CCSER1: variants seen among roughly 807,000 people sequenced by gnomAD.
CCSER1 encodes coiled-coil serine rich protein 1.
CCSER1 carries 41 observed loss-of-function variants against 82.0 expected under a neutral mutation model. The observed-to-expected ratio is 0.50, with a 90% CI of 0.39 to 0.65. The LOEUF is 0.65. CCSER1 is among the 30% of genes least tolerant of loss of function. The pLI is 0.00. For synonymous variants in CCSER1, 414 were observed against 383.9 expected, an observed-to-expected ratio of 1.08 and a Z score of -0.92; for missense variants, 1,119 against 1,064.2, an observed-to-expected ratio of 1.05 and a Z score of -0.72.
chr4:91,283,362 A>C lies in CCSER1; in HGVS notation c.2217+197368A>C, dbSNP rs143844086. ...TTAGGGCCATTTTATTGAAGTCTTCATCTTTCCTTTCTATAGTATTTGAGG... is the reference window on the plus strand; with the variant it reads ...TTAGGGCCATTTTATTGAAGTCTTCCTCTTTCCTTTCTATAGTATTTGAGG... On this transcript the variant is annotated intron_variant, in intron 10 of 10. Coordinates refer to ENST00000509176, the MANE Select transcript of CCSER1 (RefSeq NM_001145065.2). Among the ~76,000 whole-genome samples, 751 of 152,062 alleles carry C rather than the reference A, an allele frequency of 4.9e-3. 2 individuals are homozygous for C. The highest frequency in any genetic ancestry group is 0.017 in the African/African-American group (706 of 41,508).
At chr4:90,314,716 T>G (rs1427169519) in intron 3 of CCSER1, among the ~76,000 whole-genome samples, 1 of 151,716 alleles carries the variant, frequency 6.6e-6, no homozygotes, top group African/African-American at 2.4e-5. Flanking sequence ...ACCACTGCAC[T>G]TCGGCCTGGG....
intron 10 of CCSER1, among the ~76,000 whole-genome samples, chr4:91,229,070 C>T (rs1272334744): frequency 6.6e-6 from 1 of 152,098 alleles, no homozygotes; most frequent in African/African-American, 2.4e-5. Flanking sequence ...ATTGAATCAT[C>T]ATTTGTGTGG....
chr4:91,422,279 C>G (rs961623480), intron 10 of CCSER1, among the ~76,000 whole-genome samples: 1 of 152,116 alleles, frequency 6.6e-6, no homozygotes, highest in Non-Finnish European at 1.5e-5. Context: ...TTGCTCCTCC[C>G]TTTGCCTTTA....
chr4:91,030,905 G>T (rs1740927874), intron 9 of CCSER1, among the ~76,000 whole-genome samples: 1 of 151,966 alleles, frequency 6.6e-6, no homozygotes, highest in Non-Finnish European at 1.5e-5. Flanking sequence ...ACCTCTTTTG[G>T]TATCTGGTTA....
intron 6 of CCSER1, among the ~76,000 whole-genome samples, chr4:90,645,869 C>G (rs907499298): frequency 6.6e-6 from 1 of 152,144 alleles, no homozygotes; most frequent in African/African-American, 2.4e-5. Flanking sequence ...AATATCCTTG[C>G]TAGGGCTGTG....
chr4:90,241,154 T>C (rs1746765921), intron 1 of CCSER1, among the ~76,000 whole-genome samples: 1 of 152,204 alleles, frequency 6.6e-6, no homozygotes, highest in Non-Finnish European at 1.5e-5. Flanking sequence ...CATAGATCAA[T>C]TTGTTACTAG....
intron 10 of CCSER1, among the ~76,000 whole-genome samples, chr4:91,174,783 C>T (rs1733132734): frequency 6.6e-6 from 1 of 151,040 alleles, no homozygotes; most frequent in Non-Finnish European, 1.5e-5. Context: ...TTATTAAGCT[C>T]CTCCTAGGCC....
intron 10 of CCSER1, among the ~76,000 whole-genome samples, chr4:91,164,974 C>T (rs1218706073): frequency 1.3e-5 from 2 of 152,216 alleles, no homozygotes; most frequent in Non-Finnish European, 2.9e-5. Flanking sequence ...TTTTCCATTG[C>T]TGGCGAGGAG....
chr4:90,489,915 C>T (rs1767709294), intron 5 of CCSER1, among the ~76,000 whole-genome samples: 1 of 152,124 alleles, frequency 6.6e-6, no homozygotes, highest in Non-Finnish European at 1.5e-5. Context: ...TTAATCCAGT[C>T]TATCATTGTT....
intron 6 of CCSER1, among the ~76,000 whole-genome samples, chr4:90,645,965 A>C (rs1727502807): frequency 6.6e-6 from 1 of 152,238 alleles, no homozygotes; most frequent in Admixed American, 6.5e-5. Flanking sequence ...TTACTTGGTT[A>C]ACATCCAAGA....
intron 10 of CCSER1, among the ~76,000 whole-genome samples, chr4:91,466,462 C>T (rs1429041163): frequency 2.6e-5 from 4 of 152,266 alleles, no homozygotes; most frequent in East Asian, 1.9e-4. Flanking sequence ...GATGCCCTCT[C>T]TCACCACTCC....
chr4:91,210,647 C>T (rs1405548046), intron 10 of CCSER1, among the ~76,000 whole-genome samples: 2 of 151,294 alleles, frequency 1.3e-5, no homozygotes, highest in African/African-American at 2.4e-5. Context: ...TCAAAATCTT[C>T]AAAAATGTTA....
At position 90,600,768 on chromosome 4, in the gene CCSER1, T is replaced by A. The variant is rs541330956; in HGVS notation, c.1725-27257T>A. 2.6e-5 allele frequency among the ~76,000 whole-genome samples: 4 copies of A among 152,100 alleles called. No homozygotes were observed. In the South Asian group the frequency reaches 8.3e-4, roughly 32 times the overall value. ...TGTCTCTCAAAAATCCTGCTAGGAT[T>A]TTGATTGAAATACATGTAATTATAG... On this transcript the variant is annotated intron_variant, in intron 5 of 10. Transcript: ENST00000509176.
chr4:90,900,499 CTA>C (rs1462335650), intron 8 of CCSER1, among the ~76,000 whole-genome samples: 2 of 151,986 alleles, frequency 1.3e-5, no homozygotes, highest in Non-Finnish European at 2.9e-5. Context: ...TGTTGTGTCT[CTA>C]TTTTCATTTG....
chr4:90,802,729 A>C (rs1756995841), intron 7 of CCSER1, among the ~76,000 whole-genome samples: 1 of 152,154 alleles, frequency 6.6e-6, no homozygotes, highest in Non-Finnish European at 1.5e-5. Flanking sequence ...GATTTATTTC[A>C]CTAGCTACCC....
intron 5 of CCSER1, among the ~76,000 whole-genome samples, chr4:90,545,581 AT>A (rs1249099948): frequency 6.6e-6 from 1 of 151,994 alleles, no homozygotes; most frequent in Non-Finnish European, 1.5e-5. Flanking sequence ...ATTACTCCTC[AT>A]TCCTATTAAT....
chr4:91,547,153 C>T (rs895802433), intron 10 of CCSER1, among the ~76,000 whole-genome samples: 31 of 151,750 alleles, frequency 2.0e-4, no homozygotes, highest in Non-Finnish European at 2.9e-4. Context: ...TTTATGGCCC[C>T]GAATATGGCT....
chr4:91,438,058 A>C (rs1754797549), intron 10 of CCSER1, among the ~76,000 whole-genome samples: 1 of 152,204 alleles, frequency 6.6e-6, no homozygotes, highest in African/African-American at 2.4e-5. Context: ...GGCAGGGCAC[A>C]GACAAACAAA....
In CCSER1 at chr4:90,707,166, A is replaced by G. The variant is rs80155147; in HGVS notation, c.1933-16748A>G. ...TCCTCACTCATGTTCATTATTTCCA[A>G]TGTTGCTTCTAAAATAGTCCATGTT... On this transcript the variant is annotated intron_variant, in intron 6 of 10. Transcript: ENST00000509176. Among the ~76,000 whole-genome samples the G allele has an allele frequency of 4.6e-4, 70 of 151,980 alleles. 2 individuals carry two copies. The East Asian group carries it at 9.7e-3, about 21-fold the overall frequency.
Sources: allele counts gnomAD v4.1 joint callset (sites outside exome capture counted in the v4.1 genomes callset), GRCh38; gene constraint gnomAD v4.1.1; transcripts MANE v1.5; gene names NCBI Gene and HGNC (gene_info 2026-07-23, HGNC 2026-07-21).